The following CYP2J2 variants were observed in gnomAD, a reference collection of about 807,000 sequenced individuals.
CYP2J2 encodes cytochrome P450 2J2.
CYP2J2 carries 41 observed loss-of-function variants against 48.8 expected under a neutral mutation model. The ratio of observed to expected loss-of-function variants is 0.84; its 90% CI spans 0.66 to 1.09. The LOEUF is 1.09. Among genes scored for constraint, CYP2J2 ranks in the 50% least tolerant of loss-of-function variants. CYP2J2 has a pLI of 0.00. For missense variants in CYP2J2, 644 were observed against 617.3 expected (o/e 1.04, Z -0.46); for synonymous variants, 221 against 227.1 (o/e 0.97, Z 0.24).
the CYP2J2 span, among the ~76,000 whole-genome samples, chr1:59,942,009 C>T: frequency 2.6e-5 from 4 of 152,112 alleles, no homozygotes; most frequent in African/African-American, 9.7e-5. Flanking sequence ...ACTGACTCAC[C>T]CAGAACAACG....
At chr1:59,952,736 A>G in the CYP2J2 span, among the ~76,000 whole-genome samples, 1 of 152,164 alleles carries the variant, frequency 6.6e-6, no homozygotes, top group Non-Finnish European at 1.5e-5. Context: ...TCATTTATTC[A>G]TGTGTTCATC....
intron 7 of CYP2J2, 109 bp downstream of exon 7, chr1:59,904,762 A>G: frequency 1.1e-6 from 1 of 897,042 alleles, no homozygotes; most frequent in Non-Finnish European, 1.7e-6. Context: ...CAGGTATAAG[A>G]TATCTTTTTC....
chr1:59,902,662 G>A (rs1461732747), intron 7 of CYP2J2, among the ~76,000 whole-genome samples: 3 of 152,002 alleles, frequency 2.0e-5, no homozygotes, highest in East Asian at 1.9e-4. Context: ...TGATCCACCC[G>A]CCTCAGCCTC....
chr1:59,936,665 T>C, the CYP2J2 span, among the ~76,000 whole-genome samples: 1 of 152,200 alleles, frequency 6.6e-6, no homozygotes, highest in African/African-American at 2.4e-5. Context: ...GTTGATTATT[T>C]ACTTTTGTTT....
the CYP2J2 span, among the ~76,000 whole-genome samples, chr1:59,969,059 G>A: frequency 7.9e-5 from 12 of 152,142 alleles, no homozygotes; most frequent in African/African-American, 2.7e-4. Flanking sequence ...TGGTGGGCTC[G>A]TGGTCTTGCT....
At chr1:59,954,590 G>GGA in the CYP2J2 span, among the ~76,000 whole-genome samples, 1 of 148,294 alleles carries the variant, frequency 6.7e-6, no homozygotes, top group African/African-American at 2.5e-5. Flanking sequence ...TGGTGGGTCG[G>GGA]GGGGGGATGC....
chr1:59,932,720 A>G, the CYP2J2 span, among the ~76,000 whole-genome samples: 723 of 145,158 alleles, frequency 5.0e-3, 4 homozygotes, highest in African/African-American at 0.017. Context: ...TTTTTTTTTG[A>G]GACAGAGTTT....
At chr1:59,907,011 T>C (rs1644370538) in intron 6 of CYP2J2, among the ~76,000 whole-genome samples, 1 of 152,160 alleles carries the variant, frequency 6.6e-6, no homozygotes, top group Non-Finnish European at 1.5e-5. Context: ...CCCACCCCCA[T>C]ATGTTCAAAC....
upstream of CYP2J2, among the ~76,000 whole-genome samples, chr1:59,931,178 A>T (rs558381710): frequency 6.6e-6 from 1 of 152,318 alleles, no homozygotes; most frequent in South Asian, 2.1e-4. Flanking sequence ...AGGTTAATGG[A>T]TCAGAGCCTA....
chr1:59,951,492 C>A, the CYP2J2 span, among the ~76,000 whole-genome samples: 1 of 152,128 alleles, frequency 6.6e-6, no homozygotes, highest in Non-Finnish European at 1.5e-5. Context: ...ATATTTTAAT[C>A]AATATATGTG....
At position 59,904,906 on chromosome 1, in the gene CYP2J2, C is replaced by T; in HGVS notation, c.1156G>A (p.Val386Ile). 2 of 1,613,854 alleles carry T rather than the reference C, an allele frequency of 1.2e-6. No individual in the cohort carries two copies. The highest frequency in any genetic ancestry group is 1.7e-6 in the Non-Finnish European group (2 of 1,179,890). The change falls in exon 7 of 9, where the codon GTT (valine) becomes ATT (isoleucine). Residue 386 changes from valine to isoleucine, a missense_variant. Transcript: ENST00000371204. The part of the protein sequence containing the change: ...IPLNVPREVT[V>I]DTTLAGYHLP... Reference sequence around the variant, plus strand: ...TGGTACCCAGCCAAAGTGGTATCAACTGTCACTTCCCTGGGAACGTTCAGG... The same window carrying T: ...TGGTACCCAGCCAAAGTGGTATCAATTGTCACTTCCCTGGGAACGTTCAGG...
At chr1:59,900,045 AAAAG>A (rs1644303752) in intron 8 of CYP2J2, among the ~76,000 whole-genome samples, 1 of 152,236 alleles carries the variant, frequency 6.6e-6, no homozygotes, top group Non-Finnish European at 1.5e-5. Context: ...ACAAGAGAAA[AAAAG>A]AGAGTTTTCA....
chr1:59,931,545 A>C (rs940883475), upstream of CYP2J2, among the ~76,000 whole-genome samples: 3 of 152,134 alleles, frequency 2.0e-5, no homozygotes, highest in African/African-American at 7.2e-5. Context: ...ATATTGTCTT[A>C]GTATTACTAG....
Position 59,915,456 on chromosome 1 carries a change from GTGTTCATGCCAATC to G in CYP2J2, c.373+468_373+481del, listed in dbSNP as rs372723173. Among the ~76,000 whole-genome samples, 289 of 152,194 alleles carry G rather than the reference GTGTTCATGCCAATC, an allele frequency of 1.9e-3. 1 individual carries two copies. The highest frequency in any genetic ancestry group is 6.1e-3 in the African/African-American group (254 of 41,516). On this transcript the variant is annotated intron_variant, in intron 2 of 8. Transcript: ENST00000371204. The stretch of plus-strand genomic sequence containing the variant: ...TCATTATATTTAATGGTAATTTTAA[GTGTTCATGCCAATC>G]TGTTCATGCCAATCTGTTCTATCAT...
chr1:59,921,605 T>C (rs1323002453), intron 1 of CYP2J2, among the ~76,000 whole-genome samples: 2 of 151,998 alleles, frequency 1.3e-5, no homozygotes, highest in African/African-American at 2.4e-5. Context: ...TAGGTCTCTT[T>C]AGGGTTAAGG....
chr1:59,907,257 T>C (rs1170071807), intron 6 of CYP2J2, among the ~76,000 whole-genome samples: 1 of 152,154 alleles, frequency 6.6e-6, no homozygotes, highest in Non-Finnish European at 1.5e-5. Flanking sequence ...GTAGGAAAAC[T>C]GGGCAAGTAG....
intron 1 of CYP2J2, among the ~76,000 whole-genome samples, chr1:59,921,983 TA>T (rs1644519923): frequency 6.6e-6 from 1 of 152,170 alleles, no homozygotes; most frequent in African/African-American, 2.4e-5. Flanking sequence ...AATCCCTCAC[TA>T]ACCTACCCCC....
At chr1:59,930,255 G>C (rs1644596807), upstream of CYP2J2, among the ~76,000 whole-genome samples, 1 of 152,058 alleles carries the variant, frequency 6.6e-6, no homozygotes, top group Non-Finnish European at 1.5e-5. Flanking sequence ...CAATTCTTTT[G>C]GGTGTGTTCC....
chr1:59,954,589 G>A, the CYP2J2 span, among the ~76,000 whole-genome samples: 8 of 93,796 alleles, frequency 8.5e-5, no homozygotes, highest in Non-Finnish European at 1.0e-4. Flanking sequence ...TTGGTGGGTC[G>A]GGGGGGGATG....
Sources: allele counts gnomAD v4.1 joint callset (sites outside exome capture counted in the v4.1 genomes callset), GRCh38; gene constraint gnomAD v4.1.1; transcripts MANE v1.5; gene names NCBI Gene and HGNC (gene_info 2026-07-23, HGNC 2026-07-21).